PCDHGA2: variants seen among roughly 807,000 people sequenced by gnomAD.
The protein encoded by PCDHGA2 is protocadherin gamma subfamily A, 2, also known as protocadherin gamma-A2.
A neutral mutation model predicts 59.2 loss-of-function variants in PCDHGA2; 40 were observed. The observed-to-expected ratio is 0.68, with a 90% CI of 0.52 to 0.88. The LOEUF (loss-of-function observed/expected upper bound fraction) is 0.88, where lower values mean the gene tolerates loss of function less well. Ranked by LOEUF, PCDHGA2 falls within the 40% of genes least tolerant of loss-of-function variation. The probability of loss-of-function intolerance (pLI) is 0.00; values close to 1 mark genes in which losing one functional copy is unlikely to be tolerated. For missense variants in PCDHGA2, 1,226 were observed against 1,204.0 expected (o/e 1.02, Z -0.27); for synonymous variants, 560 against 526.0 (o/e 1.06, Z -0.89).
At position 141,486,415 on chromosome 5, in the gene PCDHGA2, T is replaced by C. The variant is rs745877804; in HGVS notation, c.2425-8392T>C. On this transcript the variant is annotated intron_variant, in intron 1 of 3. Transcript: ENST00000394576. The surrounding 1 kb of genome is among the most constrained non-coding windows in gnomAD (Gnocchi z 5.0). ...CCCTGGTGACTGCTGGACCCTTGGA[T>C]CGAGAGGCCAAATCTAGCTATGACA... 6.2e-7 allele frequency: 1 copy of C among 1,614,176 alleles called. No individual in the cohort carries two copies. The highest frequency in any genetic ancestry group is 8.5e-7 in the Non-Finnish European group (1 of 1,180,022).
chr5:141,422,156 T>C, intron 1 of PCDHGA2: 2 of 1,573,504 alleles, frequency 1.3e-6, no homozygotes, highest in Non-Finnish European at 8.6e-7. Flanking sequence ...TCTCTGGATT[T>C]TGAAAAATAT....
chr5:141,511,182 C>A lies in PCDHGA2; in HGVS notation c.*9C>A. ...AGAAGGAGAAGAAGTAACATGGAGG[C>A]CAGGCCAAGAGCCACAGGGCGGCCT... is the stretch of plus-strand genomic sequence containing the variant. On this transcript the variant is annotated 3_prime_UTR_variant, in exon 4 of 4. Transcript: ENST00000394576. 6.2e-7 allele frequency: 1 copy of A among 1,614,022 alleles called. No homozygotes were observed. Among genetic ancestry groups the A allele is most frequent in the Non-Finnish European group, 8.5e-7 (1 of 1,179,946 alleles).
chr5:141,423,612 TGAAGAC>T, intron 1 of PCDHGA2: 1 of 1,611,004 alleles, frequency 6.2e-7, no homozygotes, highest in African/African-American at 1.3e-5. Flanking sequence ...TCTTGATAGC[TGAAGAC>T]TCAGCTATCA....
At chr5:141,373,571 C>T (rs1157896176) in intron 1 of PCDHGA2, among the ~76,000 whole-genome samples, 1 of 152,096 alleles carries the variant, frequency 6.6e-6, no homozygotes, top group Non-Finnish European at 1.5e-5. Context: ...ATGGGACTAG[C>T]ATAAATGGTG....
chr5:141,374,721 C>T, intron 1 of PCDHGA2: 1 of 1,610,366 alleles, frequency 6.2e-7, no homozygotes, highest in Non-Finnish European at 8.5e-7. Context: ...CTGGTCCTTA[C>T]TGCCATGGAT....
intron 1 of PCDHGA2, among the ~76,000 whole-genome samples, chr5:141,353,635 T>C (rs116026217): frequency 0.033 from 5,090 of 152,330 alleles, 104 homozygotes; most frequent in African/African-American, 0.061. Context: ...ATGCTCTTTC[T>C]ATTTTGTCTC....
chr5:141,372,277 C>A, intron 1 of PCDHGA2: 1 of 1,613,112 alleles, frequency 6.2e-7, no homozygotes. Flanking sequence ...GAGGTGCGCA[C>A]GGCGCGTACC....
At chr5:141,403,525 C>T (rs1427557410) in intron 1 of PCDHGA2, 1 of 1,614,002 alleles carries the variant, frequency 6.2e-7, no homozygotes, top group South Asian at 1.1e-5. Flanking sequence ...GAGCCATAAA[C>T]CCAGAGCTGG....
rs200580042 is a variant in PCDHGA2 at position 141,486,553 on chromosome 5, T to C, written c.2425-8254T>C. 5.4e-5 allele frequency: 87 copies of C among 1,614,028 alleles called. No individual in the cohort carries two copies. The highest frequency in any genetic ancestry group is 7.2e-5 in the Non-Finnish European group (85 of 1,180,046). On this transcript the variant is annotated intron_variant, in intron 1 of 3. Coordinates refer to ENST00000394576, the MANE Select transcript of PCDHGA2 (RefSeq NM_018915.4). The surrounding 1 kb of genome is among the most constrained non-coding windows in gnomAD (Gnocchi z 5.0). ...CACCCTCTTTCTTTCAGAGGTCACA[T>C]GAGGTGTTTGTTCCTGAGAACAATC...
chr5:141,362,467 C>T (rs771966305), intron 1 of PCDHGA2: 58 of 1,614,052 alleles, frequency 3.6e-5, no homozygotes, highest in Middle Eastern at 1.6e-4. Context: ...GGTTCCCGCG[C>T]AAGATCTCGT....
chr5:141,379,889 C>CTTTT lies in PCDHGA2; in HGVS notation c.2424+38521_2424+38524dup, dbSNP rs70988800. ...CTTATTTTATGGTCTGTGAAAGCCT[C>CTTTT]TTTTTTTTTTTTTTTTTTTTTTTTT... is the stretch of plus-strand genomic sequence containing the variant. On this transcript the variant is annotated intron_variant, in intron 1 of 3. Transcript: ENST00000394576. Among the ~76,000 whole-genome samples, 383 of 50,836 alleles carry CTTTT rather than the reference C, an allele frequency of 7.5e-3. 64 individuals are homozygous for CTTTT. The highest frequency in any genetic ancestry group is 9.2e-3 in the Non-Finnish European group (239 of 25,888). 33.4% of individuals were successfully genotyped at this position (50,836 alleles called of 152,430 possible). A position where few individuals can be genotyped will look rare whatever the true frequency, so the allele number is the denominator to read the frequency against.
chr5:141,356,223 T>C, intron 1 of PCDHGA2: 1 of 1,598,278 alleles, frequency 6.3e-7, no homozygotes, highest in Non-Finnish European at 8.5e-7. Flanking sequence ...TGGATGAAAA[T>C]GACAACGCAC....
chr5:141,352,763 G>T (rs927333979), intron 1 of PCDHGA2: 5 of 1,302,158 alleles, frequency 3.8e-6, no homozygotes, highest in Non-Finnish European at 5.3e-6. Context: ...GCTGAGGCAG[G>T]TGGATCACTT....
intron 1 of PCDHGA2, among the ~76,000 whole-genome samples, chr5:141,347,644 G>A (rs140352212): frequency 2.3e-3 from 346 of 152,142 alleles, no homozygotes; most frequent in African/African-American, 8.1e-3. Context: ...AAAATTAGCT[G>A]GGCATGGTGG....
intron 1 of PCDHGA2, chr5:141,415,314 C>G (rs375384840): frequency 1.9e-6 from 3 of 1,614,238 alleles, no homozygotes; most frequent in South Asian, 1.1e-5. Context: ...CCTTCGTCAT[C>G]GTGCTGCTGG....
chr5:141,410,852 T>A, intron 1 of PCDHGA2: 1 of 284,264 alleles, frequency 3.5e-6, no homozygotes. Context: ...TCTTTGTCTT[T>A]TTTTTTTTTT....
chr5:141,415,506 C>G, intron 1 of PCDHGA2: 1 of 1,614,148 alleles, frequency 6.2e-7, no homozygotes, highest in Non-Finnish European at 8.5e-7. Flanking sequence ...TCCCCCAGCC[C>G]AATTATGCGG....
At chr5:141,353,911 T>C (rs759123248) in intron 1 of PCDHGA2, among the ~76,000 whole-genome samples, 5 of 152,244 alleles carry the variant, frequency 3.3e-5, no homozygotes, top group Non-Finnish European at 7.3e-5. Flanking sequence ...GCTAATGCCC[T>C]TTTGTATGAG....
Position 141,477,858 on chromosome 5 carries a change from C to T in PCDHGA2, c.2425-16949C>T. 2 of 1,613,572 alleles carry T rather than the reference C, an allele frequency of 1.2e-6. No individual in the cohort carries two copies. Among genetic ancestry groups the T allele is most frequent in the Non-Finnish European group, 1.7e-6 (2 of 1,179,842 alleles). ...GGTGGGAGCTCGGTGGAGATGCTGC[C>T]TCGAGGTACCTCAGCTGGCCACCTA... On this transcript the variant is annotated intron_variant, in intron 1 of 3. Transcript: ENST00000394576. This position sits in a 1 kb window ranked among gnomAD's most constrained non-coding sequence, Gnocchi z 4.9.
Sources: gnomAD v4.1 joint callset for allele counts (sites outside exome capture counted in the v4.1 genomes callset) on GRCh38, gnomAD v4.1.1 for gene constraint, Gnocchi (gnomAD v3.1) non-coding constraint, MANE v1.5 for transcripts, NCBI Gene and HGNC (gene_info 2026-07-23, HGNC 2026-07-21) for gene names.